GRIA4: variants seen among roughly 807,000 people sequenced by gnomAD.
The protein encoded by GRIA4 is glutamate ionotropic receptor AMPA type subunit 4.
Under a neutral mutation model 104.0 loss-of-function variants are expected in GRIA4, and 34 were observed. That is an observed-to-expected ratio of 0.33 (90% CI 0.25 to 0.44). GRIA4 has a LOEUF of 0.44. Ranked by LOEUF, GRIA4 falls within the 20% of genes least tolerant of loss-of-function variation. The probability of loss-of-function intolerance (pLI) is 1.00; values close to 1 mark genes in which losing one functional copy is unlikely to be tolerated. For missense variants in GRIA4, 750 were observed against 1,096.5 expected (o/e 0.68, Z 4.46); for synonymous variants, 386 against 381.9 (o/e 1.01, Z -0.13).
chr11:105,765,805 A>G (rs1940907883), intron 4 of GRIA4, among the ~76,000 whole-genome samples: 1 of 152,216 alleles, frequency 6.6e-6, no homozygotes, highest in African/African-American at 2.4e-5. Flanking sequence ...TATAGCCTAC[A>G]GTATTTTCTA....
At chr11:105,933,106 G>A (rs984254905) in intron 13 of GRIA4, among the ~76,000 whole-genome samples, 1 of 151,778 alleles carries the variant, frequency 6.6e-6, no homozygotes, top group African/African-American at 2.4e-5. Context: ...GTTGGACATG[G>A]TGGCATGCAC....
At chr11:105,783,987 T>C (rs1941846784) in intron 4 of GRIA4, among the ~76,000 whole-genome samples, 1 of 152,204 alleles carries the variant, frequency 6.6e-6, no homozygotes, top group Non-Finnish European at 1.5e-5. Context: ...TTTGTAAGCC[T>C]ATTTGGATTT....
chr11:105,650,918 T>C (rs1038839692), intron 3 of GRIA4, among the ~76,000 whole-genome samples: 3 of 152,174 alleles, frequency 2.0e-5, no homozygotes, highest in Non-Finnish European at 2.9e-5. Flanking sequence ...TCTAGCAAGA[T>C]TATATCGGTC....
At chr11:105,752,850 C>A in intron 3 of GRIA4, 131 bp from the exon 4 acceptor site, 1 of 820,240 alleles carries the variant, frequency 1.2e-6, no homozygotes, top group South Asian at 1.7e-5. Context: ...CACTTATACT[C>A]TTTATCTTAT....
intron 4 of GRIA4, among the ~76,000 whole-genome samples, chr11:105,789,204 A>C (rs1942108703): frequency 6.6e-6 from 1 of 152,128 alleles, no homozygotes; most frequent in Non-Finnish European, 1.5e-5. Context: ...GGCAGCAAAA[A>C]CAACTTAAGA....
intron 11 of GRIA4, among the ~76,000 whole-genome samples, chr11:105,924,145 C>T (rs926402243): frequency 2.0e-5 from 3 of 152,126 alleles, no homozygotes; most frequent in South Asian, 2.1e-4. Flanking sequence ...TTTGCTTATC[C>T]ACTCTTACTC....
intron 11 of GRIA4, among the ~76,000 whole-genome samples, chr11:105,924,186 A>T (rs945320905): frequency 6.6e-6 from 1 of 152,190 alleles, no homozygotes; most frequent in African/African-American, 2.4e-5. Flanking sequence ...AATTACTGGA[A>T]CATATTAAAA....
chr11:105,955,584 G>A (rs1315358823), intron 14 of GRIA4, among the ~76,000 whole-genome samples: 3 of 152,144 alleles, frequency 2.0e-5, no homozygotes, highest in Non-Finnish European at 4.4e-5. Flanking sequence ...CAATAAACAT[G>A]TGTGCATGTG....
At chr11:105,801,632 A>G (rs1307592772) in intron 4 of GRIA4, among the ~76,000 whole-genome samples, 1 of 152,080 alleles carries the variant, frequency 6.6e-6, no homozygotes, top group Non-Finnish European at 1.5e-5. Context: ...TAAAAATAAT[A>G]GCCACTACCA....
intron 4 of GRIA4, among the ~76,000 whole-genome samples, chr11:105,861,286 C>T (rs976530189): frequency 6.6e-6 from 1 of 152,100 alleles, no homozygotes; most frequent in Non-Finnish European, 1.5e-5. Flanking sequence ...TTCCTTGTTC[C>T]ATCCAGACAG....
At chr11:105,623,053 G>GTATATATA (rs58596312) in intron 3 of GRIA4, among the ~76,000 whole-genome samples, 1,918 of 127,258 alleles carry the variant, frequency 0.015, 23 homozygotes, top group African/African-American at 0.019. Context: ...GTATTCCATT[G>GTATATATA]TATATATATA....
intron 4 of GRIA4, among the ~76,000 whole-genome samples, chr11:105,840,671 G>C (rs1376707752): frequency 1.3e-5 from 2 of 152,142 alleles, no homozygotes; most frequent in Non-Finnish European, 2.9e-5. Flanking sequence ...TGCTTCAGAG[G>C]CTCTCAAACA....
At chr11:105,655,146 C>T (rs1951804130) in intron 3 of GRIA4, among the ~76,000 whole-genome samples, 1 of 152,094 alleles carries the variant, frequency 6.6e-6, no homozygotes, top group Non-Finnish European at 1.5e-5. Context: ...TCCCTTGCAA[C>T]ACAGTTTTTT....
intron 3 of GRIA4, 162 bp downstream of exon 3, chr11:105,612,596 G>A (rs945165069): frequency 1.0e-5 from 5 of 493,296 alleles, no homozygotes; most frequent in East Asian, 9.6e-5. Flanking sequence ...TCGTTTCAGG[G>A]ATATTTAGTT....
At chr11:105,963,943 A>G (rs966849153) in intron 14 of GRIA4, among the ~76,000 whole-genome samples, 1 of 152,152 alleles carries the variant, frequency 6.6e-6, no homozygotes, top group Non-Finnish European at 1.5e-5. Context: ...CTTCATTTTT[A>G]AAAATCTTCA....
At chr11:105,956,492 T>A (rs1440162779) in intron 14 of GRIA4, among the ~76,000 whole-genome samples, 1 of 152,232 alleles carries the variant, frequency 6.6e-6, no homozygotes, top group Admixed American at 6.5e-5. Context: ...CACATTTTCT[T>A]AATCCAGTCT....
At chr11:105,940,823 A>AC (rs1385262131) in intron 14 of GRIA4, among the ~76,000 whole-genome samples, 1 of 134,228 alleles carries the variant, frequency 7.5e-6, no homozygotes, top group African/African-American at 2.8e-5. Flanking sequence ...TTCACATTTA[A>AC]TTTAAAAAAA....
intron 3 of GRIA4, among the ~76,000 whole-genome samples, chr11:105,629,443 G>C (rs1036758231): frequency 4.6e-5 from 7 of 151,894 alleles, no homozygotes; most frequent in African/African-American, 1.7e-4. Context: ...TTTAACATAT[G>C]GGAAATATGT....
At chr11:105,873,837 T>C (rs1945714593) in intron 5 of GRIA4, among the ~76,000 whole-genome samples, 2 of 152,178 alleles carry the variant, frequency 1.3e-5, no homozygotes, top group African/African-American at 4.8e-5. Flanking sequence ...GATGGATAGA[T>C]TGCAAAAATT....
Sources: allele counts gnomAD v4.1 joint callset (sites outside exome capture counted in the v4.1 genomes callset), GRCh38; gene constraint gnomAD v4.1.1; transcripts MANE v1.5; gene names NCBI Gene and HGNC (gene_info 2026-07-23, HGNC 2026-07-21).